The following TMEM218 variants were observed in gnomAD, a reference collection of about 807,000 sequenced individuals.
TMEM218 encodes transmembrane protein 218.
Under a neutral mutation model 10.0 loss-of-function variants are expected in TMEM218, and 8 were observed. That is an observed-to-expected ratio of 0.80 (90% CI 0.47 to 1.44). TMEM218 has a LOEUF of 1.44. Ranked by LOEUF, TMEM218 falls within the 40% of genes most tolerant of loss-of-function variation. The probability of loss-of-function intolerance (pLI) is 0.00; values close to 1 mark genes in which losing one functional copy is unlikely to be tolerated. For synonymous variants in TMEM218, 66 were observed against 63.5 expected (o/e 1.04, Z -0.18); for missense variants, 110 against 140.1 (o/e 0.79, Z 1.08).
intron 4 of TMEM218, among the ~76,000 whole-genome samples, 155 bp from the exon 5 acceptor site, chr11:125,097,895 A>C (rs188419081): frequency 3.3e-5 from 5 of 152,308 alleles, no homozygotes; most frequent in Non-Finnish European, 7.3e-5. Context: ...AGAAAAAAGA[A>C]TCTTTTCCTC....
intron 3 of TMEM218, 124 bp downstream of exon 3, chr11:125,102,008 G>A (rs1237133947): frequency 9.0e-7 from 1 of 1,117,042 alleles, no homozygotes; most frequent in Non-Finnish European, 1.2e-6. Flanking sequence ...AGGTTAAAAT[G>A]CAACTCATTC....
At position 125,102,300 on chromosome 11, in the gene TMEM218, G is replaced by A. The variant is rs774435193; in HGVS notation, c.-59C>T. 4.6e-5 allele frequency: 73 copies of A among 1,581,678 alleles called. No homozygotes were observed. Among genetic ancestry groups the A allele is most frequent in the Admixed American group, 1.1e-4 (6 of 53,202 alleles). On this transcript the variant is annotated 5_prime_UTR_variant, in exon 3 of 5. Transcript: ENST00000682305. The stretch of plus-strand genomic sequence containing the variant: ...CGCGCCGCACGATCGAGTGTCCTCT[G>A]TGCTCCAGTGCAACACACTCCCGTG...
intron 2 of TMEM218, chr11:125,102,522 C>T (rs763329143): frequency 1.5e-5 from 21 of 1,435,572 alleles, no homozygotes; most frequent in African/African-American, 5.8e-5. Flanking sequence ...TTCCGCTCTG[C>T]GCTCAGAAGT....
rs746105598 is a variant in TMEM218 at position 125,097,531 on chromosome 11, C to G, written c.*75G>C. The G allele has an allele frequency of 4.5e-6, 7 of 1,546,152 alleles. No individual in the cohort carries two copies. Among genetic ancestry groups the G allele is most frequent in the Non-Finnish European group, 6.2e-6 (7 of 1,134,364 alleles). ...GCATGAGGGCTGTCAAAACAAGGCT[C>G]TGAATAGTGCCTTCCTGCTCATCAA... On this transcript the variant is annotated 3_prime_UTR_variant, in exon 5 of 5. Transcript: ENST00000682305.
At chr11:125,104,217 C>T (rs566742445) in intron 1 of TMEM218, 5 of 152,370 alleles carry the variant, frequency 3.3e-5, no homozygotes, top group Admixed American at 3.3e-4. Context: ...CTGGGGCCCA[C>T]CTGCATGCCT....
At chr11:125,105,676 GT>G (rs1195080766) in intron 1 of TMEM218, among the ~76,000 whole-genome samples, 2 of 151,930 alleles carry the variant, frequency 1.3e-5, no homozygotes, top group Non-Finnish European at 2.9e-5. Flanking sequence ...GGAGGTATAT[GT>G]TTTTTAAGCT....
chr11:125,103,678 T>A (rs1175073415), intron 1 of TMEM218: 1 of 152,240 alleles, frequency 6.6e-6, no homozygotes, highest in Non-Finnish European at 1.5e-5. Context: ...TGGTCACAGA[T>A]TCCAGGGGTG....
chr11:125,100,420 A>G (rs1208112713), intron 4 of TMEM218, among the ~76,000 whole-genome samples: 1 of 152,232 alleles, frequency 6.6e-6, no homozygotes, highest in African/African-American at 2.4e-5. Context: ...CAGTGCAAAC[A>G]AAGTGTTTGG....
intron 1 of TMEM218, among the ~76,000 whole-genome samples, chr11:125,111,042 A>T (rs1044730086): frequency 6.6e-6 from 1 of 152,300 alleles, no homozygotes; most frequent in Admixed American, 6.5e-5. Flanking sequence ...TGATAGAAAA[A>T]GGAGGATCAG....
rs1235829851 is a variant in TMEM218 at position 125,102,457 on chromosome 11, A to G, written c.-76-140T>C. 4.7e-6 allele frequency: 7 copies of G among 1,481,698 alleles called. No individual in the cohort carries two copies. In the African/African-American group the frequency reaches 1.0e-4, roughly 21 times the overall value. The allele number at this position is 1,481,698 out of a possible 1,614,324, so 91.8% of individuals were successfully genotyped here. The stretch of plus-strand genomic sequence containing the variant: ...TCCAGTCCCAGAGTCCCTTAATGGA[A>G]ACTGGAAATTTAGAACCCAAAGCCT... On this transcript the variant is annotated intron_variant, in intron 2 of 4. Transcript: ENST00000682305.
intron 4 of TMEM218, 111 bp downstream of exon 4, chr11:125,101,090 C>A: frequency 1.2e-6 from 1 of 823,122 alleles, no homozygotes; most frequent in Non-Finnish European, 1.9e-6. Context: ...CTTTACAATT[C>A]TGACATCTCA....
chr11:125,105,088 GA>G (rs953130984), intron 1 of TMEM218: 2 of 152,172 alleles, frequency 1.3e-5, no homozygotes. Flanking sequence ...ACCAGTTTTT[GA>G]AATAGGGTCT....
intron 4 of TMEM218, among the ~76,000 whole-genome samples, chr11:125,099,145 C>T (rs539599028): frequency 2.0e-5 from 3 of 152,152 alleles, no homozygotes; most frequent in African/African-American, 4.8e-5. Context: ...CTCTCAGACC[C>T]GAGCCCTAGT....
At chr11:125,109,300 C>A (rs542227739) in intron 1 of TMEM218, among the ~76,000 whole-genome samples, 1 of 151,776 alleles carries the variant, frequency 6.6e-6, no homozygotes, top group Non-Finnish European at 1.5e-5. Context: ...TTGTTTCTGA[C>A]GAACGTATAT....
At position 125,096,504 on chromosome 11, in the gene TMEM218, T is replaced by G. The variant is rs1949671933; in HGVS notation, c.*1102A>C. On this transcript the variant is annotated 3_prime_UTR_variant, in exon 5 of 5. Transcript: ENST00000682305. Reference sequence around the variant, plus strand: ...CTTTAAGCTTCCATTTTTTCTACTTTAAAGTGGGGATGATAAAAATGAGAC... The same window carrying G: ...CTTTAAGCTTCCATTTTTTCTACTTGAAAGTGGGGATGATAAAAATGAGAC... The G allele has an allele frequency of 6.6e-6, 1 of 152,174 alleles. No homozygotes were observed. Among genetic ancestry groups the G allele is most frequent in the African/African-American group, 2.4e-5 (1 of 41,432 alleles). The allele number at this position is 152,174 out of a possible 1,614,324, so 9.4% of individuals were successfully genotyped here.
In TMEM218 at chr11:125,101,285, T is replaced by TA. The variant is rs1555087264; in HGVS notation, c.128dup (p.Leu43PhefsTer20). On this transcript the variant is annotated frameshift_variant, in exon 4 of 5. Transcript: ENST00000682305. LOFTEE classifies it high-confidence loss of function. ...ATGTGATGATCACAGCACCGAAGAA[T>TA]AAAAAAATGACAGAGAACCTGGGGT... The TA allele has an allele frequency of 4.3e-6, 7 of 1,611,748 alleles. No individual in the cohort carries two copies. Among genetic ancestry groups the TA allele is most frequent in the African/African-American group, 1.3e-5 (1 of 74,890 alleles).
chr11:125,099,537 T>A (rs545991085), intron 4 of TMEM218, among the ~76,000 whole-genome samples: 3 of 152,316 alleles, frequency 2.0e-5, no homozygotes, highest in East Asian at 3.9e-4. Context: ...GAGGGATTGA[T>A]TTCAAAAATG....
In TMEM218 at chr11:125,102,265, C is replaced by T. The variant is rs767821288; in HGVS notation, c.-24G>A. On this transcript the variant is annotated 5_prime_UTR_variant, in exon 3 of 5. Transcript: ENST00000682305. Reference sequence around the variant, plus strand: ...ATCCCGCGGGGAGGCAGCGGCGGCCCCCCGCCCTGCGCGCCGCACGATCGA... The same window carrying T: ...ATCCCGCGGGGAGGCAGCGGCGGCCTCCCGCCCTGCGCGCCGCACGATCGA... 1.2e-6 allele frequency: 2 copies of T among 1,608,972 alleles called. No individual in the cohort carries two copies. Among genetic ancestry groups the T allele is most frequent in the South Asian group, 2.2e-5 (2 of 90,694 alleles).
rs1255029734 is a variant in TMEM218, at chr11:125,111,195, A to G, written c.-153+344T>C. Reference sequence around the variant, plus strand: ...CACTTGAACTCTAAGCTTCTCCCCAACCCTGTTGCAGATTCAAACTGGCGA... The same window carrying G: ...CACTTGAACTCTAAGCTTCTCCCCAGCCCTGTTGCAGATTCAAACTGGCGA... On this transcript the variant is annotated intron_variant, in intron 1 of 4. Coordinates refer to ENST00000682305, the MANE Select transcript of TMEM218 (RefSeq NM_001258244.2). 3.3e-5 allele frequency among the ~76,000 whole-genome samples: 5 copies of G among 151,876 alleles called. No individual in the cohort carries two copies. In the East Asian group the frequency reaches 9.7e-4, roughly 29 times the overall value.
Sources: gnomAD v4.1 joint callset for allele counts (sites outside exome capture counted in the v4.1 genomes callset) on GRCh38, gnomAD v4.1.1 for gene constraint, MANE v1.5 for transcripts, NCBI Gene and HGNC (gene_info 2026-07-23, HGNC 2026-07-21) for gene names.